The following CCDC102B variants were observed in gnomAD, a reference collection of about 807,000 sequenced individuals.
CCDC102B encodes coiled-coil domain containing 102B, also known as coiled-coil domain-containing protein 102B.
CCDC102B carries 75 observed loss-of-function variants against 57.4 expected under a neutral mutation model. The observed-to-expected ratio is 1.31, with a 90% CI of 1.08 to 1.58. CCDC102B has a LOEUF of 1.58. Ranked by LOEUF, CCDC102B falls within the 40% of genes most tolerant of loss-of-function variation. CCDC102B has a pLI of 0.00. For missense variants in CCDC102B, 636 were observed against 582.6 expected (o/e 1.09, Z -0.94); for synonymous variants, 206 against 201.9 (o/e 1.02, Z -0.17).
chr18:68,808,011 T>A (rs971241592), intron 1 of CCDC102B, among the ~76,000 whole-genome samples: 1 of 152,090 alleles, frequency 6.6e-6, no homozygotes, highest in African/African-American at 2.4e-5. Context: ...AAAGCTAACT[T>A]TTTTTTCTTA....
intron 7 of CCDC102B, among the ~76,000 whole-genome samples, chr18:69,037,727 A>T (rs115341503): frequency 0.083 from 12,581 of 152,054 alleles, 1,101 homozygotes; most frequent in African/African-American, 0.22. Flanking sequence ...AAATAGAAAA[A>T]TTCAGAATAT....
intron 6 of CCDC102B, among the ~76,000 whole-genome samples, chr18:68,966,245 G>A (rs1400128199): frequency 2.6e-5 from 4 of 152,004 alleles, no homozygotes; most frequent in African/African-American, 9.7e-5. Context: ...GGTAATCCCT[G>A]TCTGAGAGTT....
intron 6 of CCDC102B, among the ~76,000 whole-genome samples, chr18:69,002,649 C>T (rs962081849): frequency 3.3e-5 from 5 of 152,124 alleles, no homozygotes; most frequent in Admixed American, 2.6e-4. Flanking sequence ...ATGAAAATAT[C>T]GTAACTGAAT....
chr18:68,914,132 T>C (rs1397856850), intron 6 of CCDC102B, among the ~76,000 whole-genome samples: 1 of 152,222 alleles, frequency 6.6e-6, no homozygotes. Context: ...GCTTACAGTA[T>C]GTCCTCAAAT....
At chr18:68,770,131 A>G (rs553470698) in intron 2 of CCDC102B, among the ~76,000 whole-genome samples, 6 of 152,316 alleles carry the variant, frequency 3.9e-5, no homozygotes, top group Admixed American at 2.0e-4. Flanking sequence ...TCAGATGACT[A>G]TAGTGGCTCC....
intron 5 of CCDC102B, among the ~76,000 whole-genome samples, chr18:68,892,226 T>A (rs2040105046): frequency 6.6e-6 from 1 of 152,058 alleles, no homozygotes; most frequent in South Asian, 2.1e-4. Flanking sequence ...CAATCTAGAG[T>A]GCTACCCATG....
At chr18:68,921,448 C>T (rs963841605) in intron 6 of CCDC102B, among the ~76,000 whole-genome samples, 2 of 152,132 alleles carry the variant, frequency 1.3e-5, no homozygotes, top group Non-Finnish European at 2.9e-5. Flanking sequence ...CAGTGTGTTA[C>T]TTATATGTCA....
At chr18:68,986,231 G>A (rs1341733557) in intron 6 of CCDC102B, among the ~76,000 whole-genome samples, 1 of 152,098 alleles carries the variant, frequency 6.6e-6, no homozygotes, top group Non-Finnish European at 1.5e-5. Context: ...AACCCCTGGT[G>A]AACATTGACA....
rs749112534 is a variant in CCDC102B, at chr18:68,838,767, G to A, written c.668G>A (p.Gly223Asp). The A allele has an allele frequency of 3.1e-6, 5 of 1,614,024 alleles. No homozygotes were observed. In the South Asian group the frequency reaches 4.4e-5, roughly 14 times the overall value. The stretch of plus-strand genomic sequence containing the variant: ...GAGGAGATGAAGCCCAATCTAGATG[G>A]TGTTGATTTATTCAACAATGGTGGT... ...LSEEMKPNLDGVDLFNNGGSG... is the reference protein window; with the variant it reads ...LSEEMKPNLDDVDLFNNGGSG... Residue 223 changes from glycine to aspartate, a missense_variant, in exon 3 of 8, where the codon GGT becomes GAT. By Grantham distance (94) the Gly-to-Asp change is moderately conservative. Transcript: ENST00000360242.
intron 2 of CCDC102B, among the ~76,000 whole-genome samples, chr18:68,719,987 T>C (rs1409563333): frequency 6.6e-6 from 1 of 152,220 alleles, no homozygotes; most frequent in Non-Finnish European, 1.5e-5. Flanking sequence ...CAAATTATTA[T>C]TATTTTTTTG....
chr18:69,053,943 A>G (rs1229249360), intron 7 of CCDC102B, 87 bp from the exon 8 acceptor site: 1 of 1,045,996 alleles, frequency 9.6e-7, no homozygotes. Flanking sequence ...ATTTTTAAGA[A>G]TATGATAAGA....
At chr18:69,030,716 G>A (rs1022152453) in intron 7 of CCDC102B, among the ~76,000 whole-genome samples, 5 of 152,088 alleles carry the variant, frequency 3.3e-5, no homozygotes, top group Admixed American at 6.5e-5. Context: ...GTGCAGTGGC[G>A]TGATCTCGGC....
At chr18:68,810,153 A>T (rs968328413) in intron 1 of CCDC102B, among the ~76,000 whole-genome samples, 8 of 152,228 alleles carry the variant, frequency 5.3e-5, no homozygotes, top group African/African-American at 1.9e-4. Flanking sequence ...TATGTACAAC[A>T]GATGCTGTTT....
intron 7 of CCDC102B, among the ~76,000 whole-genome samples, chr18:69,047,358 C>G (rs1246619800): frequency 6.6e-6 from 1 of 151,908 alleles, no homozygotes; most frequent in African/African-American, 2.4e-5. Context: ...TCTTAAAAAC[C>G]CTCAGTAAAC....
At chr18:68,878,181 C>T (rs2039524581) in intron 5 of CCDC102B, among the ~76,000 whole-genome samples, 1 of 152,186 alleles carries the variant, frequency 6.6e-6, no homozygotes, top group African/African-American at 2.4e-5. Flanking sequence ...ACTGCAACCT[C>T]TGCCTCCTGG....
intron 7 of CCDC102B, among the ~76,000 whole-genome samples, chr18:69,047,640 C>T (rs938063899): frequency 1.3e-5 from 2 of 152,180 alleles, no homozygotes; most frequent in South Asian, 4.1e-4. Flanking sequence ...CTAAAAAAAC[C>T]TCATCATCTG....
chr18:68,750,976 AAC>A (rs2033826928), intron 2 of CCDC102B, among the ~76,000 whole-genome samples: 1 of 152,104 alleles, frequency 6.6e-6, no homozygotes, highest in Non-Finnish European at 1.5e-5. Flanking sequence ...AAAACAAAGA[AAC>A]AAAAAAAACT....
At chr18:68,925,248 G>T (rs1439195099) in intron 6 of CCDC102B, among the ~76,000 whole-genome samples, 2 of 152,008 alleles carry the variant, frequency 1.3e-5, no homozygotes, top group Non-Finnish European at 2.9e-5. Flanking sequence ...ATTAGTATCA[G>T]TTGGAGAGAT....
intron 3 of CCDC102B, among the ~76,000 whole-genome samples, chr18:68,842,538 C>T (rs2037680672): frequency 6.6e-6 from 1 of 152,076 alleles, no homozygotes; most frequent in African/African-American, 2.4e-5. Context: ...AGGAATAGTG[C>T]ATCAGAGGTG....
Sources: allele counts gnomAD v4.1 joint callset (sites outside exome capture counted in the v4.1 genomes callset), GRCh38; gene constraint gnomAD v4.1.1; transcripts MANE v1.5; gene names NCBI Gene and HGNC (gene_info 2026-07-23, HGNC 2026-07-21).